TET1: variants seen among roughly 807,000 people sequenced by gnomAD.
TET1 encodes methylcytosine dioxygenase TET1.
Under a neutral mutation model 148.7 loss-of-function variants are expected in TET1, and 13 were observed. That is an observed-to-expected ratio of 0.09 (90% CI 0.06 to 0.14). TET1 has a LOEUF of 0.14. Among genes scored for constraint, TET1 ranks in the 10% least tolerant of loss-of-function variants. The probability of loss-of-function intolerance (pLI) is 1.00; values close to 1 mark genes in which losing one functional copy is unlikely to be tolerated. For synonymous variants in TET1, 907 were observed against 937.2 expected (o/e 0.97, Z 0.59); for missense variants, 2,182 against 2,553.8 (o/e 0.85, Z 3.14).
At chr10:68,674,656 C>A in intron 8 of TET1, 2 of 449,224 alleles carry the variant, frequency 4.5e-6, no homozygotes, top group Admixed American at 2.8e-5. Flanking sequence ...GTTTCATGGT[C>A]AAAAAATGGC....
In TET1 at chr10:68,672,885, A is replaced by G; in HGVS notation, c.4674-10A>G. Reference sequence around the variant, plus strand: ...TCATCAATTCACTCTCTTGAATTACAATCTTACAGTCGTACCTGTACATGT... The same window carrying G: ...TCATCAATTCACTCTCTTGAATTACGATCTTACAGTCGTACCTGTACATGT... On this transcript the variant is annotated splice_polypyrimidine_tract_variant and intron_variant, in intron 7 of 11. Transcript: ENST00000373644. The G allele has an allele frequency of 1.3e-6, 2 of 1,599,078 alleles. No homozygotes were observed. The highest frequency in any genetic ancestry group is 1.1e-5 in the South Asian group (1 of 88,480).
Position 68,645,392 on chromosome 10 carries a change from T to C in TET1, c.2663T>C (p.Leu888Ser), listed in dbSNP as rs762278729. 6.2e-7 allele frequency: 1 copy of C among 1,613,972 alleles called. No homozygotes were observed. Among genetic ancestry groups the C allele is most frequent in the East Asian group, 2.2e-5 (1 of 44,890 alleles). ...LSLMKDRRLTLEQVVAIEALT... is the reference protein window; with the variant it reads ...LSLMKDRRLTSEQVVAIEALT... Reference sequence around the variant, plus strand: ...TTAATGAAAGATAGGAGATTAACATTGGAGCAAGTGGTAGCCATAGAGGCC... The same window carrying C: ...TTAATGAAAGATAGGAGATTAACATCGGAGCAAGTGGTAGCCATAGAGGCC... Residue 888 changes from leucine (L) to serine (S), a missense_variant, in exon 4 of 12, where the codon TTG (leucine) becomes TCG (serine). Transcript: ENST00000373644.
chr10:68,608,143 T>C (rs2054152271), intron 3 of TET1, among the ~76,000 whole-genome samples: 4 of 152,182 alleles, frequency 2.6e-5, no homozygotes, highest in Admixed American at 2.6e-4. Context: ...TTGGCCAGGA[T>C]GGTCTCAATC....
chr10:68,579,706 G>A (rs960194778), intron 2 of TET1, among the ~76,000 whole-genome samples: 2 of 152,214 alleles, frequency 1.3e-5, no homozygotes, highest in African/African-American at 4.8e-5. Context: ...ATGATTAGAT[G>A]AAGCCTAGAT....
intron 2 of TET1, among the ~76,000 whole-genome samples, chr10:68,583,906 CA>C (rs1039843979): frequency 1.5e-4 from 21 of 141,808 alleles, no homozygotes; most frequent in African/African-American, 3.6e-4. Flanking sequence ...ACTCTGTCTC[CA>C]AAAAAAAAAG....
intron 1 of TET1, among the ~76,000 whole-genome samples, chr10:68,566,220 A>AGG (rs1564944820): frequency 6.6e-6 from 1 of 152,316 alleles, no homozygotes; most frequent in East Asian, 1.9e-4. Flanking sequence ...TACAATGACT[A>AGG]GATTATATAC....
chr10:68,621,606 A>T (rs1450954593), intron 3 of TET1, among the ~76,000 whole-genome samples: 6 of 152,180 alleles, frequency 3.9e-5, no homozygotes, highest in Non-Finnish European at 8.8e-5. Flanking sequence ...ATAAAATTTT[A>T]AAATCTGGCT....
chr10:68,686,793 T>A, intron 11 of TET1, 86 bp downstream of exon 11: 1 of 1,202,492 alleles, frequency 8.3e-7, no homozygotes, highest in Non-Finnish European at 1.2e-6. Context: ...TGTTTAGAGT[T>A]AAAACTAAGA....
chr10:68,634,073 C>T (rs1014884092), intron 3 of TET1, among the ~76,000 whole-genome samples: 3 of 151,984 alleles, frequency 2.0e-5, no homozygotes, highest in African/African-American at 4.8e-5. Flanking sequence ...TTTGTAGATA[C>T]GGGGTTTCAC....
intron 3 of TET1, among the ~76,000 whole-genome samples, chr10:68,609,249 C>T (rs927706887): frequency 9.2e-5 from 14 of 152,046 alleles, no homozygotes; most frequent in African/African-American, 3.1e-4. Context: ...GCAACCTCCA[C>T]CTCCCAGGTT....
chr10:68,596,027 C>CACACACACACACATATAT, intron 2 of TET1, among the ~76,000 whole-genome samples: 1 of 61,734 alleles, frequency 1.6e-5, no homozygotes, highest in Non-Finnish European at 2.9e-5. Flanking sequence ...CACACACACA[C>CACACACACACACATATAT]ATATATATAT....
At position 68,573,975 on chromosome 10, in the gene TET1, C is replaced by T. The variant is rs763567146; in HGVS notation, c.1637C>T (p.Ser546Phe). The T allele has an allele frequency of 6.8e-6, 11 of 1,614,026 alleles. No individual in the cohort carries two copies. In the Admixed American group the frequency reaches 1.2e-4, roughly 17 times the overall value. ...AGPSKSDRGS[S>F]QVSVTSTVHV... ...CCTAGCAAATCAGACAGAGGGAGCT[C>T]CCAGGTCAGTGTAACCAGCACAGTT... is the stretch of plus-strand genomic sequence containing the variant. Residue 546 changes from serine (S) to phenylalanine (F), a missense_variant, in exon 2 of 12, where the codon TCC becomes TTC. Around this residue, in one of 11 missense-constraint regions of TET1, gnomAD observed 665 missense variants for 672.4 expected, o/e 0.99. Coordinates refer to ENST00000373644, the MANE Select transcript of TET1 (RefSeq NM_030625.3).
intron 3 of TET1, among the ~76,000 whole-genome samples, chr10:68,608,857 A>G (rs76005708): frequency 0.057 from 8,659 of 152,188 alleles, 338 homozygotes; most frequent in Non-Finnish European, 0.079. Context: ...TTAATTAAAA[A>G]AAAATTTTTT....
intron 1 of TET1, among the ~76,000 whole-genome samples, chr10:68,571,898 T>C (rs891769926): frequency 6.6e-6 from 1 of 152,126 alleles, no homozygotes; most frequent in Non-Finnish European, 1.5e-5. Flanking sequence ...GGTGGGTGGA[T>C]GGCTTGAGCC....
At chr10:68,634,635 A>T (rs545167084) in intron 3 of TET1, among the ~76,000 whole-genome samples, 4 of 152,346 alleles carry the variant, frequency 2.6e-5, no homozygotes, top group South Asian at 4.1e-4. Flanking sequence ...ATGTTCAGTG[A>T]GTGGAAATAC....
chr10:68,650,905 A>G (rs1486033817), intron 4 of TET1, among the ~76,000 whole-genome samples: 3 of 152,176 alleles, frequency 2.0e-5, no homozygotes, highest in Non-Finnish European at 4.4e-5. Flanking sequence ...CATTCTATAC[A>G]AAAGAACATT....
chr10:68,641,675 T>C (rs1230198635), intron 3 of TET1, among the ~76,000 whole-genome samples: 2 of 141,350 alleles, frequency 1.4e-5, no homozygotes, highest in South Asian at 4.5e-4. Context: ...ATTTTTTTTT[T>C]GTATTTTGGT....
intron 1 of TET1, among the ~76,000 whole-genome samples, chr10:68,563,067 T>C (rs1039870317): frequency 7.2e-5 from 11 of 152,116 alleles, no homozygotes; most frequent in South Asian, 2.1e-4. Context: ...CCTCCTGTTG[T>C]GTGTTATGTC....
intron 3 of TET1, among the ~76,000 whole-genome samples, chr10:68,628,272 A>C (rs534893715): frequency 6.6e-6 from 1 of 152,232 alleles, no homozygotes; most frequent in African/African-American, 2.4e-5. Context: ...TAACAAAACA[A>C]ATTGAGAGAA....
Sources: allele counts gnomAD v4.1 joint callset (sites outside exome capture counted in the v4.1 genomes callset), GRCh38; gene constraint gnomAD v4.1.1; regional missense constraint gnomAD v4.1.1; transcripts MANE v1.5; gene names NCBI Gene and HGNC (gene_info 2026-07-23, HGNC 2026-07-21).